Variants in ALKBH1 observed in about 807,000 individuals in gnomAD.
ALKBH1 encodes the protein nucleic acid dioxygenase ALKBH1.
Under a neutral mutation model 36.6 loss-of-function variants are expected in ALKBH1, and 31 were observed. The observed-to-expected ratio is 0.85, with a 90% CI of 0.64 to 1.14. The LOEUF (loss-of-function observed/expected upper bound fraction) is 1.14, where lower values mean the gene tolerates loss of function less well. Ranked by LOEUF, ALKBH1 falls within the 50% of genes most tolerant of loss-of-function variation. The probability of loss-of-function intolerance (pLI) is 0.00; values close to 1 mark genes in which losing one functional copy is unlikely to be tolerated. For missense variants in ALKBH1, 490 were observed against 497.3 expected, an observed-to-expected ratio of 0.99 and a Z score of 0.14; for synonymous variants, 183 against 186.6, an observed-to-expected ratio of 0.98 and a Z score of 0.16.
chr14:77,691,033 T>G (rs1175804638), intron 3 of ALKBH1, among the ~76,000 whole-genome samples: 1 of 152,142 alleles, frequency 6.6e-6, no homozygotes, highest in Non-Finnish European at 1.5e-5. Context: ...ACTCCTGACC[T>G]CAGATGATCT....
In ALKBH1 at chr14:77,702,301, A is replaced by AAAAT. The variant is rs930093131; in HGVS notation, c.292+2064_292+2067dup. Among the ~76,000 whole-genome samples, 162 of 152,228 alleles carry AAAAT rather than the reference A, an allele frequency of 1.1e-3. 1 individual carries two copies. The highest frequency in any genetic ancestry group is 7.3e-3 in the Admixed American group (111 of 15,274). ...AGGCGACAGAGCAAGACTCTGTCTC[A>AAAAT]AAATAAATAAATAAATAAATAAAAA... is the stretch of plus-strand genomic sequence containing the variant. On this transcript the variant is annotated intron_variant, in intron 2 of 5. Coordinates refer to ENST00000216489, the MANE Select transcript of ALKBH1 (RefSeq NM_006020.3).
chr14:77,673,672 G>C lies in ALKBH1; in HGVS notation c.*140C>G, dbSNP rs2080188216. 2 of 887,634 alleles carry C rather than the reference G, an allele frequency of 2.3e-6. No individual in the cohort carries two copies. The highest frequency in any genetic ancestry group is 3.4e-6 in the Non-Finnish European group (2 of 581,164). The allele number at this position is 887,634 out of a possible 1,614,324, so 55.0% of individuals were successfully genotyped here. ...GAGTTTACTTCTGCGTGGGTTCCAA[G>C]GCAACAGTGTGATCAACAATGAGTT... On this transcript the variant is annotated 3_prime_UTR_variant, in exon 6 of 6. Coordinates refer to ENST00000216489, the MANE Select transcript of ALKBH1 (RefSeq NM_006020.3).
At chr14:77,698,315 A>G (rs2080339226) in intron 2 of ALKBH1, among the ~76,000 whole-genome samples, 1 of 152,226 alleles carries the variant, frequency 6.6e-6, no homozygotes, top group East Asian at 1.9e-4. Flanking sequence ...AGATGGATCA[A>G]GAGGGTAGAG....
intron 1 of ALKBH1, among the ~76,000 whole-genome samples, chr14:77,705,532 C>T (rs1248594100): frequency 6.6e-6 from 1 of 152,098 alleles, no homozygotes; most frequent in Non-Finnish European, 1.5e-5. Flanking sequence ...ATCCTGTTTG[C>T]CCTCTTCTAG....
intron 3 of ALKBH1, 23 bp downstream of exon 3, chr14:77,694,715 T>G (rs2080317367): frequency 6.4e-7 from 1 of 1,561,406 alleles, no homozygotes; most frequent in Non-Finnish European, 8.6e-7. Context: ...TATTAACACT[T>G]CATTCTGATT....
Position 77,673,636 on chromosome 14 carries a change from G to A in ALKBH1, c.*176C>T. On this transcript the variant is annotated 3_prime_UTR_variant, in exon 6 of 6. Coordinates refer to ENST00000216489, the MANE Select transcript of ALKBH1 (RefSeq NM_006020.3). ...CAGACCATGTCAAACACTTCTCTGA[G>A]CAAAGTGGCTGAGTTTACTTCTGCG... is the stretch of plus-strand genomic sequence containing the variant. 1.6e-6 allele frequency: 1 copy of A among 639,982 alleles called. No individual in the cohort carries two copies. Among genetic ancestry groups the A allele is most frequent in the South Asian group, 2.0e-5 (1 of 50,928 alleles). 39.6% of individuals were successfully genotyped at this position (639,982 alleles called of 1,614,324 possible).
At chr14:77,689,197 T>C (rs188906858) in intron 3 of ALKBH1, among the ~76,000 whole-genome samples, 4 of 152,334 alleles carry the variant, frequency 2.6e-5, no homozygotes, top group African/African-American at 7.2e-5. Flanking sequence ...AATTTGTTTT[T>C]TCATACAGTT....
At chr14:77,697,953 C>T (rs2080337280) in intron 2 of ALKBH1, among the ~76,000 whole-genome samples, 1 of 151,952 alleles carries the variant, frequency 6.6e-6, no homozygotes, top group Non-Finnish European at 1.5e-5. Flanking sequence ...GCACAGGTTG[C>T]AGTGAGCCAA....
At chr14:77,699,871 A>G (rs571098954) in intron 2 of ALKBH1, among the ~76,000 whole-genome samples, 58 of 152,124 alleles carry the variant, frequency 3.8e-4, no homozygotes, top group South Asian at 1.7e-3. Flanking sequence ...TGGCTAACAC[A>G]ATGAAACCCC....
At chr14:77,701,007 A>C (rs1411480546) in intron 2 of ALKBH1, among the ~76,000 whole-genome samples, 1 of 152,138 alleles carries the variant, frequency 6.6e-6, no homozygotes, top group Non-Finnish European at 1.5e-5. Flanking sequence ...AGGTGGGAGG[A>C]ACCTTTAAGC....
chr14:77,706,354 A>C (rs1201035371), intron 1 of ALKBH1, among the ~76,000 whole-genome samples: 1 of 152,158 alleles, frequency 6.6e-6, no homozygotes, highest in African/African-American at 2.4e-5. Flanking sequence ...TTAATACTGC[A>C]CTATAATTCA....
chr14:77,698,826 G>A (rs2080343182), intron 2 of ALKBH1, among the ~76,000 whole-genome samples: 1 of 152,192 alleles, frequency 6.6e-6, no homozygotes, highest in Non-Finnish European at 1.5e-5. Flanking sequence ...TTGGCTCACT[G>A]CCACCTCCAC....
intron 2 of ALKBH1, among the ~76,000 whole-genome samples, chr14:77,700,840 C>A (rs1209367378): frequency 6.6e-6 from 1 of 152,068 alleles, no homozygotes; most frequent in African/African-American, 2.4e-5. Context: ...GTAATCCCAG[C>A]ACTCTGGGAG....
chr14:77,680,784 A>G (rs2080233602), intron 3 of ALKBH1, among the ~76,000 whole-genome samples: 1 of 150,778 alleles, frequency 6.6e-6, no homozygotes, highest in Non-Finnish European at 1.5e-5. Flanking sequence ...GGTTCAAGCA[A>G]TTCTCCTGCC....
At chr14:77,683,293 T>C (rs998214032) in intron 3 of ALKBH1, 7 of 759,008 alleles carry the variant, frequency 9.2e-6, no homozygotes, top group East Asian at 2.5e-5. Flanking sequence ...TGGGGCAGGC[T>C]GGCACTTCAG....
intron 3 of ALKBH1, chr14:77,683,250 C>T: frequency 2.6e-6 from 2 of 763,894 alleles, no homozygotes; most frequent in South Asian, 2.7e-5. Flanking sequence ...CAGGCTCCTT[C>T]CCATTTGTTC....
intron 3 of ALKBH1, among the ~76,000 whole-genome samples, chr14:77,684,444 C>A (rs2080256633): frequency 6.6e-6 from 1 of 152,094 alleles, no homozygotes; most frequent in Non-Finnish European, 1.5e-5. Context: ...TCACTGCAAC[C>A]TCCGCCTCCC....
rs10483886 is a variant in ALKBH1 at position 77,707,649 on chromosome 14, C to T, written c.183+173G>A. Among the ~76,000 whole-genome samples the T allele has an allele frequency of 7.6e-3, 1,151 of 152,306 alleles. 43 individuals carry two copies. Among genetic ancestry groups the T allele is most frequent in the Admixed American group, 0.06 (912 of 15,292 alleles). The stretch of plus-strand genomic sequence containing the variant: ...GCCTAAAGAAACAGGCATCTCAACG[C>T]TTTATTGCTAAGTGTGACGGTTAGT... On this transcript the variant is annotated intron_variant, in intron 1 of 5. Transcript: ENST00000216489.
At chr14:77,700,340 C>T (rs769776516) in intron 2 of ALKBH1, among the ~76,000 whole-genome samples, 4 of 152,166 alleles carry the variant, frequency 2.6e-5, no homozygotes, top group Non-Finnish European at 4.4e-5. Flanking sequence ...TGGACAGGTT[C>T]CTCATTGCAG....
Sources: allele counts gnomAD v4.1 joint callset (sites outside exome capture counted in the v4.1 genomes callset), GRCh38; gene constraint gnomAD v4.1.1; transcripts MANE v1.5; gene names NCBI Gene and HGNC (gene_info 2026-07-23, HGNC 2026-07-21).